NKAIN3: variants seen among roughly 807,000 people sequenced by gnomAD.
NKAIN3 encodes sodium/potassium transporting ATPase interacting 3.
A neutral mutation model predicts 30.2 loss-of-function variants in NKAIN3; 25 were observed. That is an observed-to-expected ratio of 0.83 (90% CI 0.60 to 1.16). The LOEUF is 1.16. Ranked by LOEUF, NKAIN3 falls within the 50% of genes most tolerant of loss-of-function variation. The pLI, the probability that NKAIN3 is intolerant of heterozygous loss-of-function variation, is 0.00. For missense variants in NKAIN3, 225 were observed against 254.1 expected (o/e 0.89, Z 0.78); for synonymous variants, 91 against 89.6 (o/e 1.02, Z -0.09).
intron 1 of NKAIN3, among the ~76,000 whole-genome samples, chr8:62,444,517 A>G (rs1268330719): frequency 6.6e-6 from 1 of 152,170 alleles, no homozygotes; most frequent in Non-Finnish European, 1.5e-5. Flanking sequence ...AGTCACTCCC[A>G]GCTCTATCCA....
intron 3 of NKAIN3, among the ~76,000 whole-genome samples, chr8:62,723,594 T>C (rs1815163421): frequency 6.6e-6 from 1 of 152,138 alleles, no homozygotes; most frequent in South Asian, 2.1e-4. Context: ...ATGAAATGTA[T>C]ACTTATTTTT....
intron 3 of NKAIN3, among the ~76,000 whole-genome samples, chr8:62,631,392 C>T (rs1811955129): frequency 6.6e-6 from 1 of 152,126 alleles, no homozygotes; most frequent in Non-Finnish European, 1.5e-5. Flanking sequence ...TCGCCTAATC[C>T]AGAAACATGA....
At chr8:62,670,923 A>T (rs1586072605) in intron 3 of NKAIN3, among the ~76,000 whole-genome samples, 1 of 151,534 alleles carries the variant, frequency 6.6e-6, no homozygotes, top group East Asian at 1.9e-4. Flanking sequence ...ACACACACGT[A>T]TACACAGGCA....
At chr8:62,410,850 T>G (rs1230562297) in intron 1 of NKAIN3, among the ~76,000 whole-genome samples, 1 of 151,962 alleles carries the variant, frequency 6.6e-6, no homozygotes, top group Non-Finnish European at 1.5e-5. Context: ...TATCAAGCTC[T>G]GAAATTGAGT....
At chr8:62,714,924 C>T (rs1814845017) in intron 3 of NKAIN3, among the ~76,000 whole-genome samples, 1 of 152,134 alleles carries the variant, frequency 6.6e-6, no homozygotes, top group African/African-American at 2.4e-5. Context: ...TTAATTCTTG[C>T]ACTGCTATAA....
chr8:62,257,736 A>T (rs1019338274), intron 1 of NKAIN3, among the ~76,000 whole-genome samples: 3 of 152,234 alleles, frequency 2.0e-5, no homozygotes, highest in Admixed American at 6.5e-5. Flanking sequence ...TCAAGGTTGT[A>T]AAACTAAGAA....
At chr8:62,426,398 A>T (rs1022774193) in intron 1 of NKAIN3, among the ~76,000 whole-genome samples, 1 of 152,014 alleles carries the variant, frequency 6.6e-6, no homozygotes, top group Non-Finnish European at 1.5e-5. Context: ...AATATAGAAT[A>T]AGAATCTGCT....
intron 5 of NKAIN3, among the ~76,000 whole-genome samples, chr8:62,998,132 G>A (rs1309667502): frequency 2.6e-5 from 4 of 152,130 alleles, no homozygotes. Context: ...CCAAGTTCTT[G>A]TCATCTATTT....
chr8:62,802,634 C>A (rs191878651), intron 4 of NKAIN3, among the ~76,000 whole-genome samples: 4,513 of 152,268 alleles, frequency 0.03, 191 homozygotes, highest in African/African-American at 0.079. Context: ...TGGAAAGGAA[C>A]AACCGGTACC....
At chr8:62,716,461 AC>A (rs1251305703) in intron 3 of NKAIN3, among the ~76,000 whole-genome samples, 7 of 152,234 alleles carry the variant, frequency 4.6e-5, no homozygotes, top group African/African-American at 1.7e-4. Context: ...TGACAGTTGT[AC>A]ATTAGAAGCT....
chr8:62,587,751 G>A (rs868024278), intron 2 of NKAIN3, among the ~76,000 whole-genome samples: 2 of 151,954 alleles, frequency 1.3e-5, no homozygotes, highest in African/African-American at 4.8e-5. Flanking sequence ...AACACAGAAA[G>A]CACCAGGATA....
chr8:62,262,835 G>T (rs1812486081), intron 1 of NKAIN3, among the ~76,000 whole-genome samples: 1 of 152,006 alleles, frequency 6.6e-6, no homozygotes, highest in South Asian at 2.1e-4. Context: ...ATGTTTGTTT[G>T]GCTCAACCAA....
intron 1 of NKAIN3, among the ~76,000 whole-genome samples, chr8:62,459,117 T>C (rs1232691967): frequency 6.6e-6 from 1 of 151,740 alleles, no homozygotes; most frequent in Admixed American, 6.6e-5. Flanking sequence ...GGCAGGCCTC[T>C]GTCCTCAGCA....
At chr8:62,444,785 C>A (rs552267084) in intron 1 of NKAIN3, among the ~76,000 whole-genome samples, 1 of 152,136 alleles carries the variant, frequency 6.6e-6, no homozygotes, top group Non-Finnish European at 1.5e-5. Flanking sequence ...AACCTCCATA[C>A]ACTTTTCCTT....
intron 1 of NKAIN3, among the ~76,000 whole-genome samples, chr8:62,424,449 GC>G (rs946329193): frequency 3.4e-4 from 25 of 73,794 alleles, no homozygotes; most frequent in African/African-American, 1.0e-3. Flanking sequence ...CAACTCAATA[GC>G]AAAAAAAACA....
intron 1 of NKAIN3, among the ~76,000 whole-genome samples, chr8:62,317,346 G>C (rs1814676485): frequency 6.6e-6 from 1 of 152,130 alleles, no homozygotes; most frequent in African/African-American, 2.4e-5. Context: ...TGAAGTCCTT[G>C]CCCATGCCTA....
rs774939070 is a variant in NKAIN3, at chr8:62,981,439, A to T, written c.*16032A>T. 2.6e-5 allele frequency: 4 copies of T among 152,222 alleles called. No individual in the cohort carries two copies. The highest frequency in any genetic ancestry group is 4.4e-5 in the Non-Finnish European group (3 of 68,036). The allele number at this position is 152,222 out of a possible 1,614,324, so 9.4% of individuals were successfully genotyped here. On this transcript the variant is annotated 3_prime_UTR_variant, in exon 7 of 7. Coordinates refer to ENST00000623646, the MANE Select transcript of NKAIN3 (RefSeq NM_001304533.3). ...AATTTGGGTGTTAACACTTTGAAAT[A>T]CCTTTACCTCCTTTGGGGGAAATCC...
chr8:62,478,007 C>T (rs935169095), intron 1 of NKAIN3, among the ~76,000 whole-genome samples: 22 of 152,222 alleles, frequency 1.4e-4, no homozygotes, highest in African/African-American at 3.6e-4. Flanking sequence ...AGCTCACTTC[C>T]GTCTGTTCTT....
chr8:62,729,052 A>AAAAAC (rs1815382295), intron 3 of NKAIN3, among the ~76,000 whole-genome samples: 10 of 138,492 alleles, frequency 7.2e-5, no homozygotes, highest in African/African-American at 2.5e-4. Flanking sequence ...AAAAAAAAAA[A>AAAAAC]CCTCCTGCTC....
Sources: allele counts gnomAD v4.1 joint callset (sites outside exome capture counted in the v4.1 genomes callset), GRCh38; gene constraint gnomAD v4.1.1; transcripts MANE v1.5; gene names NCBI Gene and HGNC (gene_info 2026-07-23, HGNC 2026-07-21).